Variants in ZNF343 observed in about 807,000 individuals in gnomAD.
The protein encoded by ZNF343 is zinc finger protein 343.
In ZNF343, 11 loss-of-function variants were observed where a neutral mutation model predicts 13.8. The ratio of observed to expected loss-of-function variants is 0.80; its 90% CI spans 0.50 to 1.32. ZNF343 has a LOEUF of 1.32. Among genes scored for constraint, ZNF343 ranks in the 40% most tolerant of loss-of-function variants. The pLI is 0.00. For synonymous variants in ZNF343, 248 were observed against 260.0 expected, an observed-to-expected ratio of 0.95 and a Z score of 0.44; for missense variants, 658 against 714.2, an observed-to-expected ratio of 0.92 and a Z score of 0.90.
intron 2 of ZNF343, among the ~76,000 whole-genome samples, chr20:2,494,499 T>G (rs888320608): frequency 1.3e-5 from 2 of 152,130 alleles, no homozygotes; most frequent in African/African-American, 4.8e-5. Context: ...ATGGGCACAG[T>G]GGTTCACACC....
intron 5 of ZNF343, among the ~76,000 whole-genome samples, chr20:2,490,543 GT>G (rs35423481): frequency 6.9e-5 from 10 of 144,202 alleles, no homozygotes; most frequent in Admixed American, 1.4e-4. Context: ...TTTGGTTTTT[GT>G]TTTTTTTTTT....
At chr20:2,516,884 A>G (rs911942695) in intron 1 of ZNF343, among the ~76,000 whole-genome samples, 20 of 152,098 alleles carry the variant, frequency 1.3e-4, no homozygotes, top group African/African-American at 4.6e-4. Context: ...GTTCAGGGTC[A>G]AGGAGAAGAT....
intron 2 of ZNF343, chr20:2,495,653 T>C (rs1356216561): frequency 6.6e-6 from 1 of 152,044 alleles, no homozygotes; most frequent in Non-Finnish European, 1.5e-5. Context: ...GCAAGATCTG[T>C]ACTAAGTGCA....
At chr20:2,490,184 C>T (rs1453438493) in intron 5 of ZNF343, among the ~76,000 whole-genome samples, 1 of 152,020 alleles carries the variant, frequency 6.6e-6, no homozygotes, top group Admixed American at 6.6e-5. Context: ...GGATGAAGCA[C>T]AGGTGAGACA....
Position 2,498,149 on chromosome 20 carries a change from G to A in ZNF343, c.-150+2507C>T, listed in dbSNP as rs1242386508. 4.6e-5 allele frequency among the ~76,000 whole-genome samples: 7 copies of A among 152,310 alleles called. No homozygotes were observed. In the East Asian group the frequency reaches 1.4e-3, roughly 29 times the overall value. ...AGGCGGGTGGATCACCTGAGGTCAG[G>A]AGGGCAAGACCAGCCTGACCAACAC... On this transcript the variant is annotated intron_variant, in intron 2 of 5. Coordinates refer to ENST00000278772, the MANE Select transcript of ZNF343 (RefSeq NM_024325.6).
At position 2,484,551 on chromosome 20, in the gene ZNF343, G is replaced by A. The variant is rs1247575481; in HGVS notation, c.410C>T (p.Ala137Val). Residue 137 changes from alanine (A) to valine (V), a missense_variant, in exon 6 of 6, where the codon GCA (alanine) becomes GTA (valine). Transcript: ENST00000278772. The part of the protein sequence containing the change: ...HVLQIFLGLC[A>V]ENHFHPGNSS... ...ATTCCCTGGATGGAAGTGATTTTCTGCACATAAGCCCAGGAAGATCTGAAG... is the reference window on the plus strand; with the variant it reads ...ATTCCCTGGATGGAAGTGATTTTCTACACATAAGCCCAGGAAGATCTGAAG... 1.2e-6 allele frequency: 2 copies of A among 1,614,174 alleles called. No homozygotes were observed. Among genetic ancestry groups the A allele is most frequent in the Admixed American group, 3.3e-5 (2 of 60,034 alleles).
At chr20:2,503,541 T>C (rs1389037222) in intron 1 of ZNF343, among the ~76,000 whole-genome samples, 3 of 152,144 alleles carry the variant, frequency 2.0e-5, no homozygotes, top group Non-Finnish European at 4.4e-5. Flanking sequence ...TATTCCAAAA[T>C]TGACCACATA....
At chr20:2,506,139 T>C (rs912958164) in intron 1 of ZNF343, among the ~76,000 whole-genome samples, 2 of 152,172 alleles carry the variant, frequency 1.3e-5, no homozygotes, top group African/African-American at 4.8e-5. Context: ...GTGAAGGATA[T>C]GAACAGACAC....
chr20:2,487,170 A>G (rs907844854), intron 5 of ZNF343, among the ~76,000 whole-genome samples: 1 of 152,198 alleles, frequency 6.6e-6, no homozygotes, highest in Non-Finnish European at 1.5e-5. Context: ...TTTGGAACAC[A>G]GTTAGGTAAA....
chr20:2,483,024 G>T lies in ZNF343; in HGVS notation c.*137C>A. 1 of 1,062,816 alleles carries T rather than the reference G, an allele frequency of 9.4e-7. No homozygotes were observed. The highest frequency in any genetic ancestry group is 1.3e-6 in the Non-Finnish European group (1 of 747,642). The allele number at this position is 1,062,816 out of a possible 1,614,324, so 65.8% of individuals were successfully genotyped here. A position where few individuals can be genotyped will look rare whatever the true frequency, so the allele number is the denominator to read the frequency against. On this transcript the variant is annotated 3_prime_UTR_variant, in exon 6 of 6. Coordinates refer to ENST00000278772, the MANE Select transcript of ZNF343 (RefSeq NM_024325.6). The stretch of plus-strand genomic sequence containing the variant: ...ACGTGTCCCTCCCATGCCTGATAAG[G>T]GCTGACACATCTCTGGAACTTCACT...
rs1045713157 is a variant in ZNF343 at position 2,517,682 on chromosome 20, T to A, written c.-347+6773A>T. On this transcript the variant is annotated intron_variant, in intron 1 of 6. Transcript: ENST00000358413. ...ATGCCTGGCTAGTTATTAATTTTTT[T>A]TTTTTGTAGAGATGGGGTCCCCCTC... Among the ~76,000 whole-genome samples, 5 of 151,870 alleles carry A rather than the reference T, an allele frequency of 3.3e-5. No individual in the cohort carries two copies. In the East Asian group the frequency reaches 7.8e-4, roughly 24 times the overall value.
rs1325044438 is a variant in ZNF343, at chr20:2,508,654, A to G, written c.-237+227T>C. Reference sequence around the variant, plus strand: ...AGGTCACTCTCGTCCCCCCGGGGGGAAAAAAGGTCCGCGGAGGTCCGGGCA... The same window carrying G: ...AGGTCACTCTCGTCCCCCCGGGGGGGAAAAAGGTCCGCGGAGGTCCGGGCA... On this transcript the variant is annotated intron_variant, in intron 1 of 5. Transcript: ENST00000278772. This position sits in a 1 kb window ranked among gnomAD's most constrained non-coding sequence, Gnocchi z 4.5. 2.0e-5 allele frequency: 3 copies of G among 152,146 alleles called. No homozygotes were observed. The highest frequency in any genetic ancestry group is 4.8e-5 in the African/African-American group (2 of 41,416). The allele number at this position is 152,146 out of a possible 1,614,324, so 9.4% of individuals were successfully genotyped here.
At chr20:2,499,301 TA>T (rs2085517238) in intron 2 of ZNF343, among the ~76,000 whole-genome samples, 1 of 139,098 alleles carries the variant, frequency 7.2e-6, no homozygotes, top group Admixed American at 7.1e-5. Flanking sequence ...CCGTCTCTAC[TA>T]AAAATACAAA....
At chr20:2,510,391 C>T (rs1344565730), upstream of ZNF343, among the ~76,000 whole-genome samples, 1 of 150,834 alleles carries the variant, frequency 6.6e-6, no homozygotes, top group African/African-American at 2.5e-5. Context: ...AAACTGTTCT[C>T]CTTCTTTTCT....
intron 1 of ZNF343, among the ~76,000 whole-genome samples, chr20:2,516,861 AG>A (rs967935023): frequency 2.6e-5 from 4 of 152,064 alleles, no homozygotes; most frequent in African/African-American, 9.7e-5. Context: ...GTTAGGGTAA[AG>A]GTGGGCGTGA....
chr20:2,494,063 A>G lies in ZNF343; in HGVS notation c.-149-19T>C, dbSNP rs2085417604. The G allele has an allele frequency of 1.5e-5, 9 of 612,142 alleles. No homozygotes were observed. The South Asian group carries it at 1.7e-4, about 12-fold the overall frequency. The allele number at this position is 612,142 out of a possible 1,614,324, so 37.9% of individuals were successfully genotyped here. A position where few individuals can be genotyped will look rare whatever the true frequency, so the allele number is the denominator to read the frequency against. On this transcript the variant is annotated intron_variant, in intron 2 of 5. Coordinates refer to ENST00000278772, the MANE Select transcript of ZNF343 (RefSeq NM_024325.6). ...CCAGGACCTGTGGGATGAAGAAGCA[A>G]TTTGCTATTGCTGGGGCTTTTATTG... is the stretch of plus-strand genomic sequence containing the variant.
intron 1 of ZNF343, among the ~76,000 whole-genome samples, chr20:2,517,376 A>G (rs2085763650): frequency 9.0e-6 from 1 of 111,568 alleles, no homozygotes; most frequent in African/African-American, 4.5e-5. Context: ...GTATATATAT[A>G]TACACACATA....
At chr20:2,500,831 G>C (rs78899167) in intron 1 of ZNF343, 89 bp from the exon 2 acceptor site, 1 of 152,170 alleles carries the variant, frequency 6.6e-6, no homozygotes, top group Admixed American at 6.5e-5. Context: ...AAAATGAGAC[G>C]AGCCAAGATG....
intron 2 of ZNF343, among the ~76,000 whole-genome samples, chr20:2,497,034 C>T (rs112383351): frequency 0.042 from 6,322 of 151,976 alleles, 380 homozygotes; most frequent in African/African-American, 0.13. Flanking sequence ...GAGCCGAGAT[C>T]GCACCACTGC....
Sources: allele counts gnomAD v4.1 joint callset (sites outside exome capture counted in the v4.1 genomes callset), GRCh38; gene constraint gnomAD v4.1.1; non-coding constraint Gnocchi (gnomAD v3.1); transcripts MANE v1.5; gene names NCBI Gene and HGNC (gene_info 2026-07-23, HGNC 2026-07-21).